PZP: variants seen among roughly 807,000 people sequenced by gnomAD.
PZP encodes PZP alpha-2-macroglobulin like, also known as pregnancy zone protein.
In PZP, 150 loss-of-function variants were observed where a neutral mutation model predicts 179.8. The ratio of observed to expected loss-of-function variants is 0.83; its 90% confidence interval spans 0.73 to 0.96. The LOEUF is 0.96. Among genes scored for constraint, PZP ranks in the 40% least tolerant of loss-of-function variants. The pLI is 0.00. For missense variants in PZP, 1,689 were observed against 1,764.0 expected (o/e 0.96, Z 0.76); for synonymous variants, 624 against 652.3 (o/e 0.96, Z 0.66).
chr12:9,153,147 CCA>C lies in PZP; in HGVS notation c.3969_3970del (p.Glu1325LysfsTer63). 2 of 1,614,118 alleles carry C rather than the reference CCA, an allele frequency of 1.2e-6. No homozygotes were observed. Among genetic ancestry groups the C allele is most frequent in the South Asian group, 2.2e-5 (2 of 91,070 alleles). ...TACCTGAAGATACACACATCTTTCCCCAGTTACTGTTATGACATATTCTCCAG... is the reference window on the plus strand; with the variant it reads ...TACCTGAAGATACACACATCTTTCCCGTTACTGTTATGACATATTCTCCAG... On this transcript the variant is annotated frameshift_variant, in exon 30 of 36. Coordinates refer to ENST00000261336, the MANE Select transcript of PZP (RefSeq NM_002864.3). LOFTEE classifies it high-confidence loss of function.
chr12:9,182,005 T>C lies in PZP; in HGVS notation c.1659A>G (p.Lys553=). ...TGGCTAGACAGTTTTCAATCTCAAA[T>C]TTTTCAGAGTCTCCAACAACTTCTC... ...PDGEVVGDSE[K]FEIENCLANK... The change falls in exon 14 of 36, where the codon AAA becomes AAG. Residue 553 remains lysine (K), a synonymous_variant. Transcript: ENST00000261336. 6.2e-7 allele frequency: 1 copy of C among 1,613,842 alleles called. No individual in the cohort carries two copies. The highest frequency in any genetic ancestry group is 8.5e-7 in the Non-Finnish European group (1 of 1,179,878).
chr12:9,160,887 C>G lies in PZP; in HGVS notation c.2872+146G>C, dbSNP rs192131599. ...CCGAGATCACGTCACTGTACTCCAG[C>G]CTGGGCGACAGAGCGAGACTCCATC... On this transcript the variant is annotated intron_variant, in intron 23 of 35. Transcript: ENST00000261336. The G allele has an allele frequency of 2.9e-4, 212 of 724,554 alleles. 2 individuals carry two copies. In the East Asian group the frequency reaches 5.6e-3, roughly 19 times the overall value. The allele number at this position is 724,554 out of a possible 1,614,324, so 44.9% of individuals were successfully genotyped here.
chr12:9,149,517 G>A, intron 35 of PZP, 44 bp downstream of exon 35: 1 of 1,555,054 alleles, frequency 6.4e-7, no homozygotes. Context: ...CTTGGAGAGT[G>A]GGTTAATGCC....
chr12:9,148,969 T>G lies in PZP; in HGVS notation c.*3A>C. 1 of 1,609,832 alleles carries G rather than the reference T, an allele frequency of 6.2e-7. No individual in the cohort carries two copies. Among genetic ancestry groups the G allele is most frequent in the South Asian group, 1.1e-5 (1 of 90,970 alleles). On this transcript the variant is annotated 3_prime_UTR_variant, in exon 36 of 36. Coordinates refer to ENST00000261336, the MANE Select transcript of PZP (RefSeq NM_002864.3). ...CCACCAAAATATACAGCCTGTATGG[T>G]CCTCAAACATTTCCATGCTCTGTAT... is the stretch of plus-strand genomic sequence containing the variant.
intron 7 of PZP, among the ~76,000 whole-genome samples, chr12:9,197,579 G>T (rs1160132390): frequency 1.1e-5 from 1 of 94,658 alleles, no homozygotes; most frequent in Non-Finnish European, 1.9e-5. Context: ...TATAATATAT[G>T]ACATAATATA....
chr12:9,192,195 T>A lies in PZP; in HGVS notation c.1544A>T (p.Asp515Val). 6.2e-7 allele frequency: 1 copy of A among 1,612,842 alleles called. No homozygotes were observed. The change falls in exon 13 of 36, where the codon GAC becomes GTC. Residue 515 changes from aspartate (D) to valine (V), a missense_variant and splice_region_variant. Physicochemically the swap from Asp to Val is radical, Grantham distance 152 (BLOSUM62 -3). Around this residue, in one of 3 missense-constraint regions of PZP, gnomAD observed 742 missense variants for 730.5 expected, o/e 1.02. Coordinates refer to ENST00000261336, the MANE Select transcript of PZP (RefSeq NM_002864.3). ...GAGATGAATCTGAGGATACTCACTG[T>A]CTCCTGACTCCACAGGCAGAGTGTG... The part of the protein sequence containing the change: ...GTHTLPVESG[D>V]MKGSFALSFP...
chr12:9,145,028 T>G (rs1418243335), downstream of PZP, among the ~76,000 whole-genome samples: 1 of 152,244 alleles, frequency 6.6e-6, no homozygotes, highest in Non-Finnish European at 1.5e-5. Flanking sequence ...ATGGGATATC[T>G]TTTTCATCCC....
chr12:9,208,350 A>T lies in PZP; in HGVS notation c.-9T>A. On this transcript the variant is annotated 5_prime_UTR_variant, in exon 1 of 36. Transcript: ENST00000261336. ...AGTCTGTCTTTCCGCATTGTGAGGGATAAATCTCAGGGTTGTGTCCAACTC... is the reference window on the plus strand; with the variant it reads ...AGTCTGTCTTTCCGCATTGTGAGGGTTAAATCTCAGGGTTGTGTCCAACTC... The T allele has an allele frequency of 6.2e-7, 1 of 1,610,018 alleles. No homozygotes were observed. The highest frequency in any genetic ancestry group is 1.3e-5 in the African/African-American group (1 of 74,958).
rs149109761 is a variant in PZP at position 9,208,337 on chromosome 12, C to T, written c.5G>A (p.Arg2Gln). 3.7e-4 allele frequency: 595 copies of T among 1,612,476 alleles called. 1 individual carries two copies. The highest frequency in any genetic ancestry group is 4.7e-4 in the Non-Finnish European group (551 of 1,178,884). Residue 2 changes from arginine to glutamine, a missense_variant, in exon 1 of 36, where the codon CGG becomes CAG. Physicochemically the swap from Arg to Gln is conservative, Grantham distance 43. Around this residue, in one of 3 missense-constraint regions of PZP, gnomAD observed 742 missense variants for 730.5 expected, o/e 1.02. Coordinates refer to ENST00000261336, the MANE Select transcript of PZP (RefSeq NM_002864.3). M[R>Q]KDRLLHLCLV... ...ACATAAATGAAGAAGTCTGTCTTTCCGCATTGTGAGGGATAAATCTCAGGG... is the reference window on the plus strand; with the variant it reads ...ACATAAATGAAGAAGTCTGTCTTTCTGCATTGTGAGGGATAAATCTCAGGG...
At chr12:9,179,031 C>T (rs1413770112) in intron 15 of PZP, among the ~76,000 whole-genome samples, 1 of 152,078 alleles carries the variant, frequency 6.6e-6, no homozygotes, top group Non-Finnish European at 1.5e-5. Flanking sequence ...GTTGATTGAC[C>T]CTTTTAAATG....
chr12:9,203,625 G>A, intron 2 of PZP, 143 bp downstream of exon 2: 1 of 935,082 alleles, frequency 1.1e-6, no homozygotes, highest in Non-Finnish European at 1.6e-6. Context: ...ACAGGCGTGA[G>A]CCACCGCACC....
rs1245457714 is a variant in PZP, at chr12:9,201,247, C to T, written c.501+80G>A. On this transcript the variant is annotated intron_variant, in intron 5 of 35. Transcript: ENST00000261336. ...AGATCTGAAAATTTTTAAAGTAGTT[C>T]ATCTGTCTAGAGTATTATCAGAACC... 7 of 1,350,094 alleles carry T rather than the reference C, an allele frequency of 5.2e-6. No individual in the cohort carries two copies. In the Admixed American group the frequency reaches 1.5e-4, roughly 28 times the overall value. 83.6% of individuals were successfully genotyped at this position (1,350,094 alleles called of 1,614,324 possible). A position where few individuals can be genotyped will look rare whatever the true frequency, so the allele number is the denominator to read the frequency against.
At chr12:9,166,730 T>C (rs1440459841) in intron 17 of PZP, among the ~76,000 whole-genome samples, 1 of 152,242 alleles carries the variant, frequency 6.6e-6, no homozygotes, top group Non-Finnish European at 1.5e-5. Flanking sequence ...GAGCATTAGA[T>C]TTTATTCCAC....
chr12:9,160,980 A>T, intron 23 of PZP, 53 bp downstream of exon 23: 1 of 1,332,334 alleles, frequency 7.5e-7, no homozygotes, highest in South Asian at 1.2e-5. Flanking sequence ...CGTAGATAAG[A>T]TGTACAGTGG....
chr12:9,154,049 C>T (rs1940559668), intron 29 of PZP, among the ~76,000 whole-genome samples: 1 of 152,174 alleles, frequency 6.6e-6, no homozygotes, highest in African/African-American at 2.4e-5. Flanking sequence ...TGAAATGGAA[C>T]TTCTCATTCC....
intron 4 of PZP, among the ~76,000 whole-genome samples, chr12:9,201,787 C>T (rs1252886181): frequency 6.6e-6 from 1 of 151,962 alleles, no homozygotes; most frequent in Non-Finnish European, 1.5e-5. Context: ...CTTCTAATTT[C>T]AACATTGTCT....
intron 7 of PZP, among the ~76,000 whole-genome samples, chr12:9,198,654 C>T (rs1943978825): frequency 6.6e-6 from 1 of 152,086 alleles, no homozygotes; most frequent in Admixed American, 6.6e-5. Flanking sequence ...TATATTAGTC[C>T]TTTCTCTGAT....
rs759414873 is a variant in PZP, at chr12:9,157,256, C to T, written c.3469G>A (p.Ala1157Thr). ...TTTCCCAGTAGGGAAAAAGCATAGG[C>T]CAGCAATGCCTTGGTGTAGACATGG... The part of the protein sequence containing the change: ...GSHVYTKALL[A>T]YAFSLLGKQN... The change falls in exon 28 of 36, where the codon GCC becomes ACC. Residue 1157 changes from alanine (A) to threonine (T), a missense_variant. Coordinates refer to ENST00000261336, the MANE Select transcript of PZP (RefSeq NM_002864.3). 6.2e-7 allele frequency: 1 copy of T among 1,614,014 alleles called. No individual in the cohort carries two copies. The highest frequency in any genetic ancestry group is 8.5e-7 in the Non-Finnish European group (1 of 1,179,996).
intron 5 of PZP, 57 bp downstream of exon 5, chr12:9,201,270 A>G (rs1285299933): frequency 2.1e-6 from 3 of 1,428,658 alleles, no homozygotes; most frequent in Non-Finnish European, 2.9e-6. Flanking sequence ...TATTATCAGA[A>G]CCTCCTACTC....
Sources: gnomAD v4.1 joint callset for allele counts (sites outside exome capture counted in the v4.1 genomes callset) on GRCh38, gnomAD v4.1.1 for gene constraint, gnomAD v4.1.1 regional missense constraint, MANE v1.5 for transcripts, NCBI Gene and HGNC (gene_info 2026-07-23, HGNC 2026-07-21) for gene names.